The following NAV3 variants were observed in gnomAD, a reference collection of about 807,000 sequenced individuals.
The protein encoded by NAV3 is pore membrane and/or filament interacting like protein 1.
A neutral mutation model predicts 244.7 loss-of-function variants in NAV3; 87 were observed. The ratio of observed to expected loss-of-function variants is 0.36; its 90% CI spans 0.30 to 0.42. The LOEUF (loss-of-function observed/expected upper bound fraction) is 0.42, where lower values mean the gene tolerates loss of function less well. Among genes scored for constraint, NAV3 ranks in the 20% least tolerant of loss-of-function variants. The pLI is 1.00. For missense variants in NAV3, 2,663 were observed against 2,893.3 expected (o/e 0.92, Z 1.83); for synonymous variants, 1,126 against 1,042.2 (o/e 1.08, Z -1.55).
intron 1 of NAV3, among the ~76,000 whole-genome samples, chr12:77,886,183 G>T (rs138411291): frequency 6.6e-6 from 1 of 152,074 alleles, no homozygotes; most frequent in Non-Finnish European, 1.5e-5. Context: ...CTCTATAGCC[G>T]CAGGGTTAAG....
At chr12:78,182,814 A>T (rs1380805068) in intron 30 of NAV3, among the ~76,000 whole-genome samples, 1 of 151,956 alleles carries the variant, frequency 6.6e-6, no homozygotes, top group Non-Finnish European at 1.5e-5. Flanking sequence ...GAACTAAAAA[A>T]ATTAAATCAC....
intron 2 of NAV3, among the ~76,000 whole-genome samples, chr12:77,648,273 C>A (rs556108701): frequency 8.6e-5 from 13 of 151,972 alleles, no homozygotes; most frequent in Non-Finnish European, 1.6e-4. Context: ...AGTTAGAGAC[C>A]TGATCTTTAT....
intron 16 of NAV3, among the ~76,000 whole-genome samples, chr12:78,122,742 T>G (rs753703225): frequency 6.6e-6 from 1 of 152,180 alleles, no homozygotes; most frequent in African/African-American, 2.4e-5. Flanking sequence ...ATGATTTGGC[T>G]TAAGCTTCAG....
At chr12:77,667,173 A>T (rs1159078235) in intron 2 of NAV3, among the ~76,000 whole-genome samples, 1 of 152,238 alleles carries the variant, frequency 6.6e-6, no homozygotes, top group African/African-American at 2.4e-5. Context: ...CTGCTCAGAC[A>T]GACAGAGTAG....
chr12:77,797,645 A>G (rs1871487915), intron 2 of NAV3, among the ~76,000 whole-genome samples: 1 of 148,380 alleles, frequency 6.7e-6, no homozygotes, highest in Non-Finnish European at 1.5e-5. Context: ...GTTTGAGACC[A>G]GCCTGGCCAA....
In NAV3 at chr12:77,579,857, T is replaced by C. The variant is rs145348926; in HGVS notation, c.72+7591T>C. 1.8e-3 allele frequency among the ~76,000 whole-genome samples: 272 copies of C among 152,322 alleles called. 2 individuals carry two copies. The highest frequency in any genetic ancestry group is 6.2e-3 in the African/African-American group (257 of 41,570). ...ATTTTGGTTCTCGAATCCGACACTT[T>C]GTCAAATTACTCAACTTCTGTCTTC... On this transcript the variant is annotated intron_variant, in intron 2 of 8. Coordinates refer to the NAV3 transcript ENST00000550042.
intron 11 of NAV3, among the ~76,000 whole-genome samples, chr12:78,053,364 A>T (rs1883044268): frequency 6.6e-6 from 1 of 152,014 alleles, no homozygotes; most frequent in Non-Finnish European, 1.5e-5. Context: ...TGAATCCTGA[A>T]CTATTGCCCC....
At chr12:77,873,734 A>ATGTGTGTG (rs374693432) in intron 1 of NAV3, among the ~76,000 whole-genome samples, 7,375 of 84,866 alleles carry the variant, frequency 0.087, 527 homozygotes, top group East Asian at 0.2. Flanking sequence ...CTAAATACAT[A>ATGTGTGTG]TGTGTGTGTG....
At chr12:77,971,370 C>T (rs752667974) in intron 5 of NAV3, among the ~76,000 whole-genome samples, 25 of 151,716 alleles carry the variant, frequency 1.6e-4, no homozygotes, top group Non-Finnish European at 2.5e-4. Context: ...ATTCAGGACC[C>T]GAATATAGAA....
chr12:77,634,372 G>A (rs1051010444), intron 2 of NAV3, among the ~76,000 whole-genome samples: 15 of 152,078 alleles, frequency 9.9e-5, no homozygotes, highest in African/African-American at 3.6e-4. Context: ...TATATTAGTT[G>A]ATTTTACATA....
intron 5 of NAV3, among the ~76,000 whole-genome samples, chr12:77,976,674 C>CTTTTTTTTTTTTTTTTTTTTTTTT (rs869041498): frequency 2.4e-5 from 2 of 83,430 alleles, no homozygotes; most frequent in Non-Finnish European, 2.3e-5. Flanking sequence ...TTCTTTTTTT[C>CTTTTTTTTTTTTTTTTTTTTTTTT]TTTTTTTTTT....
At chr12:77,963,949 C>T (rs928538731) in intron 3 of NAV3, among the ~76,000 whole-genome samples, 1 of 139,264 alleles carries the variant, frequency 7.2e-6, no homozygotes, top group African/African-American at 2.7e-5. Flanking sequence ...GCTCCTCCTC[C>T]TCCTTCCTCC....
chr12:77,633,933 A>G (rs1454122629), intron 2 of NAV3, among the ~76,000 whole-genome samples: 2 of 152,140 alleles, frequency 1.3e-5, no homozygotes. Flanking sequence ...TGTGTTTCTA[A>G]TTGTTCAGAT....
intron 2 of NAV3, among the ~76,000 whole-genome samples, chr12:77,627,792 G>A (rs1395756455): frequency 6.6e-6 from 1 of 152,116 alleles, no homozygotes; most frequent in Non-Finnish European, 1.5e-5. Context: ...ATCCATTAAT[G>A]GATGAAGGGA....
intron 2 of NAV3, among the ~76,000 whole-genome samples, chr12:77,676,388 G>A (rs768221532): frequency 6.6e-6 from 1 of 152,070 alleles, no homozygotes; most frequent in Non-Finnish European, 1.5e-5. Context: ...CCTCTTCCAG[G>A]CAGATGATGG....
At chr12:77,674,887 C>G (rs1056529111) in intron 2 of NAV3, among the ~76,000 whole-genome samples, 1 of 152,174 alleles carries the variant, frequency 6.6e-6, no homozygotes, top group Non-Finnish European at 1.5e-5. Context: ...GAGTGCCAAA[C>G]AAATATTCTG....
chr12:77,933,539 T>A (rs905292508), intron 1 of NAV3, among the ~76,000 whole-genome samples: 3 of 152,230 alleles, frequency 2.0e-5, no homozygotes, highest in African/African-American at 7.2e-5. Flanking sequence ...AACTCCAAAG[T>A]TGAGATTTTT....
chr12:77,849,953 G>A (rs140892796), intron 1 of NAV3, among the ~76,000 whole-genome samples: 238 of 152,132 alleles, frequency 1.6e-3, no homozygotes, highest in African/African-American at 5.3e-3. Context: ...ATTAAGACTC[G>A]GCAGATTGAA....
intron 9 of NAV3, among the ~76,000 whole-genome samples, chr12:78,047,218 T>G (rs1168119259): frequency 6.6e-6 from 1 of 152,180 alleles, no homozygotes; most frequent in Non-Finnish European, 1.5e-5. Context: ...CCAGGTGCGG[T>G]GGCTCACGCT....
Sources: allele counts gnomAD v4.1 joint callset (sites outside exome capture counted in the v4.1 genomes callset), GRCh38; gene constraint gnomAD v4.1.1; transcripts MANE v1.5; gene names NCBI Gene and HGNC (gene_info 2026-07-23, HGNC 2026-07-21).